The following ALG13 variants were observed in gnomAD, a reference collection of about 807,000 sequenced individuals.
ALG13 encodes the protein ALG13 UDP-N-acetylglucosaminyltransferase subunit, also known as UDP-N-acetylglucosamine transferase subunit ALG13.
Under a neutral mutation model 87.8 loss-of-function variants are expected in ALG13, and 11 were observed. That is an observed-to-expected ratio of 0.13 (90% CI 0.08 to 0.21). The LOEUF is 0.21. Ranked by LOEUF, ALG13 falls within the 10% of genes least tolerant of loss-of-function variation. The probability of loss-of-function intolerance (pLI) is 1.00; values close to 1 mark genes in which losing one functional copy is unlikely to be tolerated. For synonymous variants in ALG13, 320 were observed against 306.3 expected (o/e 1.04, Z -0.47); for missense variants, 756 against 866.1 (o/e 0.87, Z 1.60).
In ALG13 at chrX:111,708,294, G is replaced by T; in HGVS notation, c.651G>T (p.Leu217Phe). The change falls in exon 4 of 27, where the codon TTG becomes TTT. Residue 217 changes from leucine (L) to phenylalanine (F), a missense_variant. By Grantham distance (22) the Leu-to-Phe change is conservative. Transcript: ENST00000394780. ...GWKNYCSQKS[L>F]NEASMDEYLG... ...AAAACTACTGCAGCCAGAAGTCTTTGAATGAGGCATCAATGGATGAATATT... is the reference window on the plus strand; with the variant it reads ...AAAACTACTGCAGCCAGAAGTCTTTTAATGAGGCATCAATGGATGAATATT... The T allele has an allele frequency of 8.3e-7, 1 of 1,211,753 alleles. No individual in the cohort carries two copies. Among genetic ancestry groups the T allele is most frequent in the Non-Finnish European group, 1.1e-6 (1 of 895,453 alleles).
intron 8 of ALG13, among the ~76,000 whole-genome samples, chrX:111,713,899 G>C (rs16986610): frequency 0.028 from 3,086 of 112,073 alleles, 42 homozygotes; most frequent in Middle Eastern, 0.041. Flanking sequence ...TCAGCATACA[G>C]CTTCTCCAAA....
In ALG13 at chrX:111,744,852, A is replaced by G; in HGVS notation, c.2880A>G (p.Pro960=). 1 of 1,205,015 alleles carries G rather than the reference A, an allele frequency of 8.3e-7. No homozygotes were observed. The highest frequency in any genetic ancestry group is 3.0e-5 in the East Asian group (1 of 33,505). The change falls in exon 24 of 27, where the codon CCA becomes CCG. Residue 960 remains proline (P), a synonymous_variant. Transcript: ENST00000394780. ...GETSNLQPPP[P]LPPPPYSCDP... ...CTTCAAACTTACAACCACCACCACC[A>G]CTACCACCTCCACCTTATTCCTGTG...
intron 15 of ALG13, among the ~76,000 whole-genome samples, chrX:111,725,574 T>C (rs1941903017): frequency 9.0e-6 from 1 of 110,926 alleles, no homozygotes; most frequent in Non-Finnish European, 1.9e-5. Context: ...TAGTTAACAA[T>C]TGCATATTTC....
intron 26 of ALG13, among the ~76,000 whole-genome samples, chrX:111,759,305 A>G (rs1202952016): frequency 3.6e-5 from 4 of 111,240 alleles, no homozygotes; most frequent in Middle Eastern, 4.2e-3. Context: ...CTTCAGAGCT[A>G]TACTTTCAGG....
At chrX:111,729,694 T>C (rs1318045323) in intron 19 of ALG13, among the ~76,000 whole-genome samples, 1 of 111,868 alleles carries the variant, frequency 8.9e-6, no homozygotes, top group Non-Finnish European at 1.9e-5. Context: ...TGGAAAACTG[T>C]CCGATTGAGT....
At chrX:111,684,858 A>T in intron 2 of ALG13, 107 bp from the exon 3 acceptor site, 1 of 688,354 alleles carries the variant, frequency 1.5e-6, no homozygotes, top group Non-Finnish European at 2.2e-6. Flanking sequence ...CCTAGTTTGT[A>T]GTTCTGTCAA....
intron 15 of ALG13, 130 bp from the exon 16 acceptor site, chrX:111,726,679 C>A: frequency 1.4e-6 from 1 of 734,614 alleles, no homozygotes; most frequent in Non-Finnish European, 2.0e-6. Flanking sequence ...CAAAAATTCC[C>A]TCCCTATGTT....
At chrX:111,736,953 T>G in intron 23 of ALG13, 74 bp downstream of exon 23, 1 of 858,457 alleles carries the variant, frequency 1.2e-6, no homozygotes, top group African/African-American at 2.0e-5. Context: ...GCTGTTCTGG[T>G]AATTACATAC....
chrX:111,689,763 C>T, intron 3 of ALG13: 5 of 748,229 alleles, frequency 6.7e-6, no homozygotes, highest in Non-Finnish European at 7.9e-6. Flanking sequence ...GTCCCCTGCT[C>T]TTTCTACCCT....
In ALG13 at chrX:111,725,122, G is replaced by A. The variant is rs58580842; in HGVS notation, c.1729+61G>A. 0.047 allele frequency: 53,269 copies of A among 1,142,337 alleles called. 12,608 individuals are homozygous for A. In the African/African-American group the frequency reaches 0.76, roughly 16 times the overall value. 94.1% of individuals were successfully genotyped at this position (1,142,337 alleles called of 1,213,427 possible). ...TTCCTGTACCTGCTTTTACTTACCT[G>A]CATTGTACTATTTTTTAAATGTATG... On this transcript the variant is annotated intron_variant, in intron 15 of 26. Coordinates refer to ENST00000394780, the MANE Select transcript of ALG13 (RefSeq NM_001099922.3).
intron 24 of ALG13, among the ~76,000 whole-genome samples, chrX:111,747,610 C>T (rs747719845): frequency 2.7e-5 from 3 of 111,212 alleles, no homozygotes; most frequent in African/African-American, 9.8e-5. Context: ...CCTAAGCCTC[C>T]TGAGCAGCTG....
chrX:111,701,211 A>G (rs1247694652), intron 3 of ALG13, among the ~76,000 whole-genome samples: 1 of 111,645 alleles, frequency 9.0e-6, no homozygotes, highest in Non-Finnish European at 1.9e-5. Context: ...GTATCAGGGT[A>G]ATGCTGGTCT....
chrX:111,731,011 T>C (rs975150627), intron 21 of ALG13, among the ~76,000 whole-genome samples: 8 of 112,250 alleles, frequency 7.1e-5, no homozygotes, highest in Non-Finnish European at 1.3e-4. Flanking sequence ...GTGATACATG[T>C]CACTTTCTTT....
intron 8 of ALG13, among the ~76,000 whole-genome samples, chrX:111,717,323 C>T (rs1340556951): frequency 9.0e-6 from 1 of 111,316 alleles, no homozygotes; most frequent in East Asian, 2.8e-4. Context: ...GGAAGTCTCT[C>T]TAGCAGTATT....
At chrX:111,690,479 A>C in intron 3 of ALG13, 14 of 599,029 alleles carry the variant, frequency 2.3e-5, no homozygotes, top group Non-Finnish European at 2.8e-5. Context: ...AAGAAAGCTC[A>C]AAGGATTTGT....
At chrX:111,690,697 G>A (rs767180558) in intron 3 of ALG13, among the ~76,000 whole-genome samples, 8 of 109,097 alleles carry the variant, frequency 7.3e-5, no homozygotes, top group Non-Finnish European at 1.1e-4. Context: ...CAGGCAATCC[G>A]CCCGCCTCGG....
intron 3 of ALG13, among the ~76,000 whole-genome samples, chrX:111,701,249 C>T (rs1187479284): frequency 8.9e-6 from 1 of 111,947 alleles, no homozygotes; most frequent in East Asian, 2.8e-4. Context: ...AATATTCCTT[C>T]TTTTTCAGTT....
At chrX:111,705,229 G>C (rs1043066930) in intron 3 of ALG13, among the ~76,000 whole-genome samples, 4 of 111,894 alleles carry the variant, frequency 3.6e-5, no homozygotes, top group Non-Finnish European at 7.5e-5. Context: ...TTTTCCTAAA[G>C]ATCAATGATT....
At chrX:111,759,411 C>T (rs1441383032) in intron 26 of ALG13, among the ~76,000 whole-genome samples, 1 of 110,944 alleles carries the variant, frequency 9.0e-6, no homozygotes, top group Non-Finnish European at 1.9e-5. Flanking sequence ...CAATTGTGAC[C>T]ACCTCTTACA....
Sources: allele counts gnomAD v4.1 joint callset (sites outside exome capture counted in the v4.1 genomes callset), GRCh38; gene constraint gnomAD v4.1.1; transcripts MANE v1.5; gene names NCBI Gene and HGNC (gene_info 2026-07-23, HGNC 2026-07-21).